Variants in PPP2R5D observed in about 807,000 individuals in gnomAD.
PPP2R5D encodes serine/threonine-protein phosphatase 2A 56 kDa regulatory subunit delta isoform.
PPP2R5D carries 12 observed loss-of-function variants against 79.1 expected under a neutral mutation model. The observed-to-expected ratio is 0.15, with a 90% CI of 0.10 to 0.25. PPP2R5D has a LOEUF of 0.25. Ranked by LOEUF, PPP2R5D falls within the 10% of genes least tolerant of loss-of-function variation. The pLI is 1.00. For missense variants in PPP2R5D, 419 were observed against 760.2 expected (o/e 0.55, Z 5.28); for synonymous variants, 277 against 286.6 (o/e 0.97, Z 0.34).
chr6:42,984,804 C>T, intron 1 of PPP2R5D, 100 bp downstream of exon 1: 1 of 1,542,044 alleles, frequency 6.5e-7, no homozygotes, highest in Non-Finnish European at 8.7e-7. Context: ...CTGACCCTCC[C>T]GTCCAGCCCC....
chr6:43,010,789 G>T lies in PPP2R5D; in HGVS notation c.1554+53G>T. On this transcript the variant is annotated intron_variant, in intron 14 of 15. Transcript: ENST00000485511. The surrounding 1 kb of genome is among the most constrained non-coding windows in gnomAD (Gnocchi z 4.7). ...CTGAGGGGCCAGCCCATCTTGAGCT[G>T]GGGGAGAGTTTGTTGGGGGAGGAAT... 6.2e-7 allele frequency: 1 copy of T among 1,608,124 alleles called. No individual in the cohort carries two copies. Among genetic ancestry groups the T allele is most frequent in the Non-Finnish European group, 8.5e-7 (1 of 1,174,672 alleles).
At chr6:43,001,025 A>G (rs1002225787) in intron 2 of PPP2R5D, among the ~76,000 whole-genome samples, 1 of 152,222 alleles carries the variant, frequency 6.6e-6, no homozygotes, top group Admixed American at 6.5e-5. Context: ...AAGGGAAGAG[A>G]CAAGTGGTAT....
intron 2 of PPP2R5D, among the ~76,000 whole-genome samples, chr6:42,998,012 T>A (rs140267264): frequency 0.012 from 645 of 51,642 alleles, 23 homozygotes; most frequent in African/African-American, 0.11. Context: ...ATTTGGGTTT[T>A]ATTTATATAT....
At chr6:42,988,579 C>T (rs567772666) in intron 1 of PPP2R5D, among the ~76,000 whole-genome samples, 10 of 152,320 alleles carry the variant, frequency 6.6e-5, no homozygotes, top group African/African-American at 2.4e-4. Context: ...TCCTCCCTTC[C>T]ATTGTTAACT....
At chr6:42,984,852 T>G in intron 1 of PPP2R5D, 148 bp downstream of exon 1, 1 of 1,291,320 alleles carries the variant, frequency 7.7e-7, no homozygotes, top group Middle Eastern at 2.7e-4. Flanking sequence ...CCCCCGCGGC[T>G]GGCAGCACCC....
At chr6:43,005,274 C>A (rs903695109) in intron 2 of PPP2R5D, among the ~76,000 whole-genome samples, 6 of 150,022 alleles carry the variant, frequency 4.0e-5, no homozygotes, top group Non-Finnish European at 7.4e-5. Flanking sequence ...TTTCTTTTAC[C>A]TTTTTAAATT....
chr6:42,985,179 GCC>G (rs945607785), intron 1 of PPP2R5D, among the ~76,000 whole-genome samples: 8 of 152,098 alleles, frequency 5.3e-5, no homozygotes, highest in Non-Finnish European at 8.8e-5. Flanking sequence ...GTCCCCTACG[GCC>G]CCTTCTCTTT....
Position 43,010,849 on chromosome 6 carries a change from C to T in PPP2R5D, c.1555-32C>T. ...ACAGGCCCCCAAGCCTCTGAAGTGGCTCTTAACGCTTGTCCATGTCTCCTC... is the reference window on the plus strand; with the variant it reads ...ACAGGCCCCCAAGCCTCTGAAGTGGTTCTTAACGCTTGTCCATGTCTCCTC... On this transcript the variant is annotated intron_variant, in intron 14 of 15. Transcript: ENST00000485511. This position sits in a 1 kb window ranked among gnomAD's most constrained non-coding sequence, Gnocchi z 4.7. 4 of 1,605,280 alleles carry T rather than the reference C, an allele frequency of 2.5e-6. No homozygotes were observed. The highest frequency in any genetic ancestry group is 3.4e-6 in the Non-Finnish European group (4 of 1,172,748).
At chr6:42,998,015 T>TATATATATA (rs1771842259) in intron 2 of PPP2R5D, among the ~76,000 whole-genome samples, 1 of 32,338 alleles carries the variant, frequency 3.1e-5, no homozygotes, top group African/African-American at 1.5e-4. Flanking sequence ...TGGGTTTTAT[T>TATATATATA]TATATATATA....
In PPP2R5D at chr6:43,007,425, G is replaced by T; in HGVS notation, c.645G>T (p.Glu215Asp). 1.2e-6 allele frequency: 2 copies of T among 1,613,124 alleles called. No homozygotes were observed. Among genetic ancestry groups the T allele is most frequent in the South Asian group, 2.2e-5 (2 of 91,072 alleles). ...CTTTTCCCCTATAGCTCGTGTATGA[G>T]TTCTTCTTACGTTTCCTTGAGTCTC... ...AAWPHLQLVYEFFLRFLESPD... is the reference protein window; with the variant it reads ...AAWPHLQLVYDFFLRFLESPD... The change falls in exon 6 of 16, where the codon GAG becomes GAT. Residue 215 changes from glutamate (E) to aspartate (D), a missense_variant. Coordinates refer to ENST00000485511, the MANE Select transcript of PPP2R5D (RefSeq NM_006245.4). The surrounding 1 kb of genome is among the most constrained non-coding windows in gnomAD (Gnocchi z 4.5).
Position 43,011,278 on chromosome 6 carries a change from GCT to G in PPP2R5D, c.1806_1807del (p.Ter603ThrfsTer48). 1 of 1,613,862 alleles carries G rather than the reference GCT, an allele frequency of 6.2e-7. No individual in the cohort carries two copies. The highest frequency in any genetic ancestry group is 1.3e-5 in the African/African-American group (1 of 75,016). Reference sequence around the variant, plus strand: ...AGAGTTCCTAACTGCCAGCCAGGAGGCTCTCTGACCCCTCACGTTCCTACCAC... The same window carrying G: ...AGAGTTCCTAACTGCCAGCCAGGAGGCTCTGACCCCTCACGTTCCTACCAC... ...AEEFLTASQE[A>X]L is the part of the protein sequence containing the mutation. On this transcript the variant is annotated frameshift_variant, in exon 16 of 16. Transcript: ENST00000485511. LOFTEE classifies it high-confidence loss of function.
chr6:43,006,954 A>G lies in PPP2R5D; in HGVS notation c.366A>G (p.Leu122=). The part of the protein sequence containing the change: ...QEREELFIQK[L]RQCCVLFDFV... ...GGGAGGAGCTGTTTATCCAGAAGCT[A>G]CGCCAGTGCTGTGTCCTCTTTGACT... is the stretch of plus-strand genomic sequence containing the variant. Residue 122 remains leucine, a synonymous_variant, in exon 4 of 16, where the codon CTA becomes CTG. Transcript: ENST00000485511. The surrounding 1 kb of genome is among the most constrained non-coding windows in gnomAD (Gnocchi z 4.7). The G allele has an allele frequency of 6.2e-7, 1 of 1,614,058 alleles. No homozygotes were observed. The highest frequency in any genetic ancestry group is 1.1e-5 in the South Asian group (1 of 91,084).
intron 2 of PPP2R5D, among the ~76,000 whole-genome samples, chr6:42,991,494 C>T (rs1771261356): frequency 6.6e-6 from 1 of 152,170 alleles, no homozygotes; most frequent in African/African-American, 2.4e-5. Flanking sequence ...GCACTCAGTA[C>T]CTGGTAGCGC....
At chr6:42,989,808 G>C in intron 2 of PPP2R5D, 120 bp downstream of exon 2, 1 of 1,013,258 alleles carries the variant, frequency 9.9e-7, no homozygotes, top group Non-Finnish European at 1.5e-6. Context: ...TATCCTGGGA[G>C]GGACCTGGAC....
Position 43,010,412 on chromosome 6 carries a change from C to T in PPP2R5D, c.1380-56C>T. 1 of 1,489,964 alleles carries T rather than the reference C, an allele frequency of 6.7e-7. No individual in the cohort carries two copies. The highest frequency in any genetic ancestry group is 9.4e-7 in the Non-Finnish European group (1 of 1,069,474). 92.3% of individuals were successfully genotyped at this position (1,489,964 alleles called of 1,614,324 possible). On this transcript the variant is annotated intron_variant, in intron 12 of 15. Coordinates refer to ENST00000485511, the MANE Select transcript of PPP2R5D (RefSeq NM_006245.4). This position sits in a 1 kb window ranked among gnomAD's most constrained non-coding sequence, Gnocchi z 4.7. Reference sequence around the variant, plus strand: ...CCCTGTGAGAGAACAAATTGGGTTCCTCACGCTAAGGGCAGGCTCTGGCCT... The same window carrying T: ...CCCTGTGAGAGAACAAATTGGGTTCTTCACGCTAAGGGCAGGCTCTGGCCT...
rs556369494 is a variant in PPP2R5D at position 42,986,339 on chromosome 6, C to A, written c.27+1635C>A. ...TGGCCTGGTGTTCTGGCCACCTGCT[C>A]GATGACCCCAGAGGTATATTGCTTT... On this transcript the variant is annotated intron_variant, in intron 1 of 15. Coordinates refer to ENST00000485511, the MANE Select transcript of PPP2R5D (RefSeq NM_006245.4). Among the ~76,000 whole-genome samples, 59 of 152,166 alleles carry A rather than the reference C, an allele frequency of 3.9e-4. 1 individual carries two copies. The highest frequency in any genetic ancestry group is 1.2e-3 in the African/African-American group (50 of 41,508).
In PPP2R5D at chr6:42,992,817, G is replaced by T. The variant is rs573913278; in HGVS notation, c.105+3129G>T. ...AGCCTGGGTGACAGAACGAGACCTT[G>T]TCTCAAGAAAACAAAACAAAACAAA... On this transcript the variant is annotated intron_variant, in intron 2 of 15. Coordinates refer to ENST00000485511, the MANE Select transcript of PPP2R5D (RefSeq NM_006245.4). 2.6e-5 allele frequency among the ~76,000 whole-genome samples: 4 copies of T among 152,082 alleles called. No homozygotes were observed. The East Asian group carries it at 7.8e-4, about 30-fold the overall frequency.
intron 2 of PPP2R5D, among the ~76,000 whole-genome samples, chr6:42,995,258 A>G (rs973718956): frequency 2.9e-4 from 43 of 150,008 alleles, no homozygotes; most frequent in South Asian, 6.3e-4. Flanking sequence ...CAGCCCCCTG[A>G]GTAGCTGGGG....
chr6:43,008,204 C>G lies in PPP2R5D; in HGVS notation c.861C>G (p.Phe287Leu). 6.2e-7 allele frequency: 1 copy of G among 1,614,126 alleles called. No individual in the cohort carries two copies. The change falls in exon 8 of 16, where the codon TTC becomes TTG. Residue 287 changes from phenylalanine to leucine, a missense_variant. By Grantham distance (22) the Phe-to-Leu change is conservative (BLOSUM62 0). This residue lies in a region of PPP2R5D where 196 missense variants were observed against 424.5 expected (regional missense o/e 0.46). Coordinates refer to ENST00000485511, the MANE Select transcript of PPP2R5D (RefSeq NM_006245.4). This position sits in a 1 kb window ranked among gnomAD's most constrained non-coding sequence, Gnocchi z 4.2. ...RRQINHIFYR[F>L]IYETEHHNGI... ...AGAGCCATTTTTCTTCCCTCAGGTT[C>G]ATCTACGAGACGGAGCATCACAACG...
Sources: gnomAD v4.1 joint callset for allele counts (sites outside exome capture counted in the v4.1 genomes callset) on GRCh38, gnomAD v4.1.1 for gene constraint, gnomAD v4.1.1 regional missense constraint, Gnocchi (gnomAD v3.1) non-coding constraint, MANE v1.5 for transcripts, NCBI Gene and HGNC (gene_info 2026-07-23, HGNC 2026-07-21) for gene names.